Variants in SPATA9 observed in about 807,000 individuals in gnomAD.
The protein encoded by SPATA9 is spermatogenesis associated 9.
SPATA9 carries 27 observed loss-of-function variants against 25.5 expected under a neutral mutation model. The ratio of observed to expected loss-of-function variants is 1.06; its 90% CI spans 0.78 to 1.46. The LOEUF is 1.46. Among genes scored for constraint, SPATA9 ranks in the 40% most tolerant of loss-of-function variants. SPATA9 has a pLI of 0.00. For synonymous variants in SPATA9, 102 were observed against 105.7 expected (o/e 0.97, Z 0.21); for missense variants, 282 against 297.5 (o/e 0.95, Z 0.38).
intron 3 of SPATA9, chr5:95,674,807 AT>A (rs1180388549): frequency 1.1e-5 from 5 of 456,494 alleles, no homozygotes; most frequent in African/African-American, 2.0e-5. Context: ...AAGAGTTCAA[AT>A]TAATTTGTCC....
At chr5:95,719,469 C>T in the SPATA9 span, among the ~76,000 whole-genome samples, 1 of 152,242 alleles carries the variant, frequency 6.6e-6, no homozygotes, top group East Asian at 1.9e-4. Context: ...GGGAATGGGG[C>T]AAGTTAGGTT....
intron 2 of SPATA9, among the ~76,000 whole-genome samples, chr5:95,679,574 A>AC (rs990483736): frequency 2.6e-5 from 4 of 152,038 alleles, no homozygotes; most frequent in Admixed American, 1.3e-4. Flanking sequence ...CTTTAGTATC[A>AC]CCCCTCCTCA....
chr5:95,715,903 C>T, the SPATA9 span, among the ~76,000 whole-genome samples: 4 of 152,232 alleles, frequency 2.6e-5, no homozygotes, highest in South Asian at 6.2e-4. Context: ...ATGTAAAATA[C>T]GGACAAAAGA....
the SPATA9 span, chr5:95,731,671 G>A: frequency 2.5e-6 from 4 of 1,613,314 alleles, no homozygotes; most frequent in Non-Finnish European, 3.4e-6. Flanking sequence ...CCCTGCCCTT[G>A]GATTTGAGAT....
the SPATA9 span, chr5:95,731,653 A>G: frequency 1.2e-6 from 2 of 1,612,904 alleles, no homozygotes; most frequent in Non-Finnish European, 1.7e-6. Context: ...CTTTTCTCCG[A>G]GTCGCCGCCC....
chr5:95,727,335 C>A, the SPATA9 span, among the ~76,000 whole-genome samples: 1 of 152,258 alleles, frequency 6.6e-6, no homozygotes, highest in South Asian at 2.1e-4. Context: ...CTAGGCCTGC[C>A]CTCACCAATG....
the SPATA9 span, among the ~76,000 whole-genome samples, chr5:95,712,509 T>C: frequency 2.0e-4 from 30 of 152,220 alleles, no homozygotes; most frequent in African/African-American, 7.0e-4. Context: ...CCAACTACCC[T>C]GAGGCCTCTA....
intron 3 of SPATA9, 22 bp downstream of exon 3, chr5:95,675,390 T>C: frequency 1.3e-6 from 2 of 1,578,046 alleles, no homozygotes; most frequent in Non-Finnish European, 1.7e-6. Flanking sequence ...AGGGGAATTG[T>C]GCATATGCAG....
chr5:95,689,789 A>C (rs1305579099), intron 1 of SPATA9, among the ~76,000 whole-genome samples: 2 of 152,130 alleles, frequency 1.3e-5, no homozygotes, highest in Non-Finnish European at 2.9e-5. Flanking sequence ...ATGCAAATCA[A>C]AAACACAATG....
chr5:95,653,114 CA>C (rs1356647795), exon 9 of SPATA9: 1 of 1,551,432 alleles, frequency 6.4e-7, no homozygotes, highest in African/African-American at 1.4e-5. Flanking sequence ...GCTCTTCTTT[CA>C]GTATGGAATT....
At chr5:95,685,562 C>T (rs1003195141), upstream of SPATA9, among the ~76,000 whole-genome samples, 2 of 152,228 alleles carry the variant, frequency 1.3e-5, no homozygotes, top group African/African-American at 4.8e-5. Flanking sequence ...TCACAGTGTG[C>T]TTTGTGACTA....
chr5:95,671,577 T>C (rs1197310741), intron 3 of SPATA9, among the ~76,000 whole-genome samples: 1 of 152,088 alleles, frequency 6.6e-6, no homozygotes, highest in Non-Finnish European at 1.5e-5. Context: ...GCCCAGCTAA[T>C]GTTTGTATTT....
the SPATA9 span, chr5:95,732,066 C>T: frequency 6.2e-7 from 1 of 1,614,160 alleles, no homozygotes; most frequent in South Asian, 1.1e-5. Context: ...AGCTGGTGGT[C>T]CACGACTGTC....
At chr5:95,666,595 A>T (rs1403018278) in intron 3 of SPATA9, among the ~76,000 whole-genome samples, 2 of 152,216 alleles carry the variant, frequency 1.3e-5, no homozygotes, top group East Asian at 3.8e-4. Context: ...ATAGAGAAAG[A>T]TCAAGGTTCA....
chr5:95,684,554 G>C (rs1753685081), upstream of SPATA9: 1 of 152,226 alleles, frequency 6.6e-6, no homozygotes, highest in African/African-American at 2.4e-5. Context: ...GCAACTCTTT[G>C]TGTTTGCTAA....
chr5:95,690,135 AGGGTTT>A (rs1296117700), intron 1 of SPATA9, among the ~76,000 whole-genome samples: 143 of 152,282 alleles, frequency 9.4e-4, no homozygotes, highest in Non-Finnish European at 1.1e-3. Flanking sequence ...CCCCATGACA[AGGGTTT>A]ACCTATATAG....
chr5:95,666,057 G>C (rs1269901220), intron 3 of SPATA9, among the ~76,000 whole-genome samples: 2 of 152,150 alleles, frequency 1.3e-5, no homozygotes, highest in South Asian at 2.1e-4. Flanking sequence ...ACCAGGTCCT[G>C]TTCAATGTAC....
At chr5:95,654,412 A>G (rs913167968), downstream of SPATA9, 4 of 1,221,176 alleles carry the variant, frequency 3.3e-6, no homozygotes, top group Admixed American at 2.0e-5. Flanking sequence ...GCAAATAAAT[A>G]TATTCAAAAA....
At chr5:95,664,729 A>G (rs568954536) in intron 3 of SPATA9, among the ~76,000 whole-genome samples, 46 of 152,314 alleles carry the variant, frequency 3.0e-4, no homozygotes, top group African/African-American at 1.1e-3. Context: ...TGAGGACTTT[A>G]GGAAATACAT....
Sources: gnomAD v4.1 joint callset for allele counts (sites outside exome capture counted in the v4.1 genomes callset) on GRCh38, gnomAD v4.1.1 for gene constraint, MANE v1.5 for transcripts, NCBI Gene and HGNC (gene_info 2026-07-23, HGNC 2026-07-21) for gene names.